The following NFIB variants were observed in gnomAD, a reference collection of about 807,000 sequenced individuals.
The protein encoded by NFIB is nuclear factor 1 B-type.
NFIB carries 11 observed loss-of-function variants against 61.5 expected under a neutral mutation model. The ratio of observed to expected loss-of-function variants is 0.18; its 90% CI spans 0.11 to 0.30. The LOEUF is 0.30. NFIB is among the 10% of genes least tolerant of loss of function. The probability of loss-of-function intolerance (pLI) is 1.00; values close to 1 mark genes in which losing one functional copy is unlikely to be tolerated. For missense variants in NFIB, 471 were observed against 608.9 expected (o/e 0.77, Z 2.38); for synonymous variants, 260 against 216.5 (o/e 1.20, Z -1.76).
At chr9:14,156,788 A>C (rs1001886453) in intron 3 of NFIB, among the ~76,000 whole-genome samples, 1 of 152,210 alleles carries the variant, frequency 6.6e-6, no homozygotes, top group Non-Finnish European at 1.5e-5. Flanking sequence ...GTTATGGCCT[A>C]CTTGCTTCTG....
At position 14,257,649 on chromosome 9, in the gene NFIB, G is replaced by A. The variant is rs75648883; in HGVS notation, c.562+49340C>T. On this transcript the variant is annotated intron_variant, in intron 2 of 10. Coordinates refer to ENST00000380953, the MANE Select transcript of NFIB (RefSeq NM_001190737.2). ...CGGGCACCTGTAATCCCAGCTACTT[G>A]GGAGGCTGAGGCAGGAGAATCGCTT... Among the ~76,000 whole-genome samples, 3 of 152,230 alleles carry A rather than the reference G, an allele frequency of 2.0e-5. No homozygotes were observed. The South Asian group carries it at 6.2e-4, about 32-fold the overall frequency.
the NFIB span, among the ~76,000 whole-genome samples, chr9:14,467,468 G>A: frequency 6.6e-6 from 1 of 152,146 alleles, no homozygotes; most frequent in Non-Finnish European, 1.5e-5. Flanking sequence ...TAGGCTTAGG[G>A]CTGCCAACTA....
chr9:14,322,488 A>G (rs1456024573), intron 1 of NFIB: 2 of 228,770 alleles, frequency 8.7e-6, no homozygotes, highest in African/African-American at 2.2e-5. Flanking sequence ...GCTGCCCCGG[A>G]ACCGCCACCC....
chr9:14,190,347 T>C (rs1462754738), intron 2 of NFIB, among the ~76,000 whole-genome samples: 4 of 152,196 alleles, frequency 2.6e-5, no homozygotes, highest in African/African-American at 9.6e-5. Flanking sequence ...GCCTACTTTC[T>C]ACAAAGGTAA....
chr9:14,218,448 T>G (rs2051211948), intron 2 of NFIB, among the ~76,000 whole-genome samples: 1 of 152,086 alleles, frequency 6.6e-6, no homozygotes, highest in South Asian at 2.1e-4. Flanking sequence ...TTTTATCAGG[T>G]GCTTGAAAAA....
rs971383812 is a variant in NFIB at position 14,375,559 on chromosome 9, G to C, written c.108+22965C>G. On this transcript the variant is annotated intron_variant, in intron 1 of 8. Transcript: ENST00000380934. Reference sequence around the variant, plus strand: ...TGCAATCCCAGCGACTTGGGAGGCCGAGGCAGAAGAATCGCTTGAAACCGG... The same window carrying C: ...TGCAATCCCAGCGACTTGGGAGGCCCAGGCAGAAGAATCGCTTGAAACCGG... 6.3e-4 allele frequency among the ~76,000 whole-genome samples: 96 copies of C among 152,198 alleles called. 1 individual carries two copies. Among genetic ancestry groups the C allele is most frequent in the African/African-American group, 2.3e-3 (95 of 41,502 alleles).
At chr9:14,419,756 T>A in the NFIB span, among the ~76,000 whole-genome samples, 485 of 152,274 alleles carry the variant, frequency 3.2e-3, 4 homozygotes, top group African/African-American at 0.011. Context: ...CTCAGTGGCA[T>A]CTGCTCCACT....
At chr9:14,204,845 ACTG>A (rs2049459658) in intron 2 of NFIB, 1 of 454,734 alleles carries the variant, frequency 2.2e-6, no homozygotes, top group Admixed American at 3.0e-5. Context: ...GACCTGCACC[ACTG>A]CTGCCTTCAT....
chr9:14,253,448 T>C (rs2055877435), intron 2 of NFIB, among the ~76,000 whole-genome samples: 2 of 152,166 alleles, frequency 1.3e-5, no homozygotes, highest in African/African-American at 4.8e-5. Context: ...TGGTTTTCTC[T>C]AAGCAGACCA....
chr9:14,183,523 C>G (rs2047028398), intron 2 of NFIB, among the ~76,000 whole-genome samples: 1 of 151,954 alleles, frequency 6.6e-6, no homozygotes, highest in East Asian at 1.9e-4. Context: ...TGTGCTTCAG[C>G]CTCCCGAGTA....
intron 1 of NFIB, among the ~76,000 whole-genome samples, chr9:14,360,005 G>C (rs2061219501): frequency 6.6e-6 from 1 of 152,020 alleles, no homozygotes; most frequent in South Asian, 2.1e-4. Flanking sequence ...AACCAATGTA[G>C]ACATGCTAAT....
chr9:14,349,140 C>CT (rs1407442133), intron 1 of NFIB, among the ~76,000 whole-genome samples: 2 of 152,212 alleles, frequency 1.3e-5, no homozygotes, highest in African/African-American at 4.8e-5. Context: ...TTTAAACAAT[C>CT]TAACTGAATG....
chr9:14,429,389 T>C, the NFIB span, among the ~76,000 whole-genome samples: 115 of 152,298 alleles, frequency 7.6e-4, no homozygotes, highest in African/African-American at 2.6e-3. Context: ...AGGATCTGAA[T>C]CCAGGTCTCT....
intron 6 of NFIB, among the ~76,000 whole-genome samples, chr9:14,136,810 GTCA>G (rs1365602208): frequency 6.6e-6 from 1 of 152,038 alleles, no homozygotes; most frequent in Non-Finnish European, 1.5e-5. Context: ...AAATTTTAAG[GTCA>G]TCAGTTCAGC....
At chr9:14,502,771 G>T in the NFIB span, among the ~76,000 whole-genome samples, 1 of 152,044 alleles carries the variant, frequency 6.6e-6, no homozygotes. Flanking sequence ...GGAAACAGGT[G>T]GTGCTTGGTT....
chr9:14,412,755 G>A, the NFIB span, among the ~76,000 whole-genome samples: 1 of 152,184 alleles, frequency 6.6e-6, no homozygotes, highest in Non-Finnish European at 1.5e-5. Flanking sequence ...GGAGCGCTCA[G>A]GGCATGGGAT....
intron 6 of NFIB, among the ~76,000 whole-genome samples, chr9:14,126,899 C>A (rs1222605867): frequency 6.6e-6 from 1 of 152,176 alleles, no homozygotes; most frequent in Non-Finnish European, 1.5e-5. Context: ...CCACATGCTG[C>A]ACTAGCCTGG....
At chr9:14,233,255 A>C (rs983599554) in intron 2 of NFIB, among the ~76,000 whole-genome samples, 1 of 152,194 alleles carries the variant, frequency 6.6e-6, no homozygotes, top group Non-Finnish European at 1.5e-5. Flanking sequence ...AGTAATAGTT[A>C]AACTATTTAT....
chr9:14,508,960 T>C, the NFIB span, among the ~76,000 whole-genome samples: 1 of 152,254 alleles, frequency 6.6e-6, no homozygotes, highest in Admixed American at 6.5e-5. Context: ...ATACTCAGTA[T>C]ATCAGTACTT....
Sources: gnomAD v4.1 joint callset for allele counts (sites outside exome capture counted in the v4.1 genomes callset) on GRCh38, gnomAD v4.1.1 for gene constraint, MANE v1.5 for transcripts, NCBI Gene and HGNC (gene_info 2026-07-23, HGNC 2026-07-21) for gene names.